RGS6: variants seen among roughly 807,000 people sequenced by gnomAD.
RGS6 encodes the protein regulator of G-protein signaling 6.
In RGS6, 30 loss-of-function variants were observed where a neutral mutation model predicts 78.5. The observed-to-expected ratio is 0.38, with a 90% CI of 0.29 to 0.52. The LOEUF is 0.52. RGS6 is among the 20% of genes least tolerant of loss of function. The pLI is 0.85. For synonymous variants in RGS6, 206 were observed against 206.0 expected, an observed-to-expected ratio of 1.00 and a Z score of 0.00; for missense variants, 495 against 609.7, an observed-to-expected ratio of 0.81 and a Z score of 1.98.
chr14:72,031,979 C>T (rs1482736413), intron 2 of RGS6, among the ~76,000 whole-genome samples: 1 of 152,142 alleles, frequency 6.6e-6, no homozygotes, highest in Non-Finnish European at 1.5e-5. Context: ...GTCACCATTC[C>T]TCCACACTGC....
chr14:71,890,358 C>CAGAGAGAGAGAGAGAG, the RGS6 span, among the ~76,000 whole-genome samples: 397 of 133,072 alleles, frequency 3.0e-3, 5 homozygotes, highest in East Asian at 0.012. Context: ...GTGCATAAGA[C>CAGAGAGAGAGAGAGAG]AGAGAGAGAG....
chr14:72,561,306 T>C (rs974964911), intron 17 of RGS6, among the ~76,000 whole-genome samples: 1 of 152,146 alleles, frequency 6.6e-6, no homozygotes, highest in Admixed American at 6.5e-5. Flanking sequence ...TGCAGCCCCA[T>C]GCTGACGAGC....
chr14:72,518,599 C>T (rs2096985166), intron 15 of RGS6, 62 bp downstream of exon 15: 1 of 1,473,842 alleles, frequency 6.8e-7, no homozygotes, highest in African/African-American at 1.4e-5. Flanking sequence ...ATTGCCTGAC[C>T]TATTAACACA....
At chr14:72,309,359 A>G (rs2068013938) in intron 2 of RGS6, among the ~76,000 whole-genome samples, 1 of 152,162 alleles carries the variant, frequency 6.6e-6, no homozygotes, top group South Asian at 2.1e-4. Flanking sequence ...CAAATCTAGC[A>G]CCCTAAACCT....
chr14:71,939,653 T>C (rs2090170415), intron 1 of RGS6, among the ~76,000 whole-genome samples: 1 of 152,210 alleles, frequency 6.6e-6, no homozygotes, highest in South Asian at 2.1e-4. Context: ...GTTAATTTGC[T>C]CAAGCAATGA....
chr14:72,285,584 A>G (rs545407459), intron 2 of RGS6, among the ~76,000 whole-genome samples: 3 of 152,270 alleles, frequency 2.0e-5, no homozygotes, highest in South Asian at 4.1e-4. Flanking sequence ...GACTAATCCA[A>G]TCTCCATACT....
At chr14:72,311,304 T>G (rs2152460726) in intron 2 of RGS6, among the ~76,000 whole-genome samples, 1 of 152,334 alleles carries the variant, frequency 6.6e-6, no homozygotes, top group African/African-American at 2.4e-5. Context: ...TGTGACTATG[T>G]GATTTTTATC....
chr14:72,145,365 T>G (rs1346811487), intron 2 of RGS6, among the ~76,000 whole-genome samples: 1 of 152,096 alleles, frequency 6.6e-6, no homozygotes, highest in African/African-American at 2.4e-5. Flanking sequence ...CAGAATTCCT[T>G]CCCAAAGTTA....
chr14:72,344,597 C>G (rs2077640966), intron 2 of RGS6, among the ~76,000 whole-genome samples: 1 of 152,150 alleles, frequency 6.6e-6, no homozygotes, highest in South Asian at 2.1e-4. Context: ...ATATAGCACT[C>G]ATGTCATTCA....
At chr14:71,973,702 A>G (rs959996397) in intron 2 of RGS6, among the ~76,000 whole-genome samples, 2 of 152,196 alleles carry the variant, frequency 1.3e-5, no homozygotes, top group Non-Finnish European at 2.9e-5. Context: ...AACTTCAGAA[A>G]GTGTTCAGGG....
chr14:72,377,352 A>G (rs1016537685), intron 3 of RGS6, among the ~76,000 whole-genome samples: 1 of 152,194 alleles, frequency 6.6e-6, no homozygotes, highest in African/African-American at 2.4e-5. Context: ...GAATATAACA[A>G]TTGTAAACAT....
At chr14:71,872,616 T>A in the RGS6 span, among the ~76,000 whole-genome samples, 1 of 152,092 alleles carries the variant, frequency 6.6e-6, no homozygotes, top group Non-Finnish European at 1.5e-5. Flanking sequence ...AAACCCAATA[T>A]CAGTAAGTTT....
chr14:72,583,506 C>T, the RGS6 span, among the ~76,000 whole-genome samples: 1 of 152,294 alleles, frequency 6.6e-6, no homozygotes, highest in East Asian at 1.9e-4. Context: ...CACATTTGTC[C>T]ACTCTCCCAG....
chr14:71,996,710 G>A (rs1365467337), intron 2 of RGS6, among the ~76,000 whole-genome samples: 4 of 152,096 alleles, frequency 2.6e-5, no homozygotes, highest in African/African-American at 2.4e-5. Context: ...GATGAGTAAG[G>A]GAATTAAGTG....
the RGS6 span, among the ~76,000 whole-genome samples, chr14:71,905,254 A>G: frequency 2.0e-5 from 3 of 152,318 alleles, no homozygotes; most frequent in East Asian, 1.9e-4. Context: ...TTTCCCATTC[A>G]TTCACTTAGC....
chr14:72,135,045 C>A (rs1234447912), intron 2 of RGS6, among the ~76,000 whole-genome samples: 1 of 152,200 alleles, frequency 6.6e-6, no homozygotes, highest in Non-Finnish European at 1.5e-5. Context: ...TATCCCTTAA[C>A]CCAGTTCAAC....
chr14:72,429,196 TG>T (rs1179989631), intron 3 of RGS6, among the ~76,000 whole-genome samples: 3 of 152,132 alleles, frequency 2.0e-5, no homozygotes, highest in Non-Finnish European at 2.9e-5. Context: ...AGCAAGACTC[TG>T]TCTCAGATAA....
At chr14:72,142,341 C>T (rs953169739) in intron 2 of RGS6, among the ~76,000 whole-genome samples, 2 of 151,568 alleles carry the variant, frequency 1.3e-5, no homozygotes, top group Non-Finnish European at 2.9e-5. Flanking sequence ...AGAGAGATGA[C>T]ATCCTTTTTA....
chr14:72,414,092 T>G (rs960921657), intron 3 of RGS6, among the ~76,000 whole-genome samples: 3 of 152,208 alleles, frequency 2.0e-5, no homozygotes, highest in Non-Finnish European at 4.4e-5. Flanking sequence ...GTTCTCTGTA[T>G]TTCCTGAATT....
Sources: gnomAD v4.1 joint callset for allele counts (sites outside exome capture counted in the v4.1 genomes callset) on GRCh38, gnomAD v4.1.1 for gene constraint, MANE v1.5 for transcripts, NCBI Gene and HGNC (gene_info 2026-07-23, HGNC 2026-07-21) for gene names.